ROS1: variants seen among roughly 807,000 people sequenced by gnomAD.
ROS1 encodes the protein ROS proto-oncogene 1, receptor tyrosine kinase, also known as proto-oncogene tyrosine-protein kinase ROS.
Under a neutral mutation model 273.5 loss-of-function variants are expected in ROS1, and 263 were observed. The observed-to-expected ratio is 0.96, with a 90% CI of 0.87 to 1.06. The LOEUF is 1.06. Among genes scored for constraint, ROS1 ranks in the 50% least tolerant of loss-of-function variants. ROS1 has a pLI of 0.00. For synonymous variants in ROS1, 1,008 were observed against 954.1 expected, an observed-to-expected ratio of 1.06 and a Z score of -1.04; for missense variants, 2,833 against 2,751.1, an observed-to-expected ratio of 1.03 and a Z score of -0.67.
At chr6:117,341,338 A>T (rs1353059589) in intron 30 of ROS1, 27 bp from the exon 31 acceptor site, 4 of 1,612,460 alleles carry the variant, frequency 2.5e-6, no homozygotes, top group Non-Finnish European at 3.4e-6. Flanking sequence ...ACAATTGCTT[A>T]ACCTTTTGAG....
chr6:117,355,893 G>A (rs113478275), intron 26 of ROS1, among the ~76,000 whole-genome samples: 1 of 152,150 alleles, frequency 6.6e-6, no homozygotes, highest in Non-Finnish European at 1.5e-5. Context: ...TTACAGGCAT[G>A]AGCCACTGCA....
At chr6:117,361,286 T>C (rs915143481) in intron 22 of ROS1, among the ~76,000 whole-genome samples, 1 of 151,936 alleles carries the variant, frequency 6.6e-6, no homozygotes, top group African/African-American at 2.4e-5. Context: ...AAAATTGACA[T>C]CTATAATGGT....
At chr6:117,331,684 C>A (rs1361535791) in intron 32 of ROS1, among the ~76,000 whole-genome samples, 2 of 152,068 alleles carry the variant, frequency 1.3e-5, no homozygotes, top group Non-Finnish European at 2.9e-5. Context: ...TGGGGGCCAA[C>A]ATCAACATTC....
At chr6:117,310,047 C>T (rs2128547786) in intron 41 of ROS1, 34 bp downstream of exon 41, 1 of 1,551,364 alleles carries the variant, frequency 6.4e-7, no homozygotes, top group African/African-American at 1.4e-5. Context: ...TTTGATGATT[C>T]TGTCAGCATT....
intron 5 of ROS1, among the ~76,000 whole-genome samples, chr6:117,408,206 G>A (rs935082038): frequency 2.0e-5 from 3 of 151,774 alleles, no homozygotes; most frequent in African/African-American, 7.3e-5. Context: ...AGCCAAAATT[G>A]ACAAATGGGA....
At chr6:117,368,588 T>C (rs1318302938) in intron 18 of ROS1, among the ~76,000 whole-genome samples, 2 of 152,244 alleles carry the variant, frequency 1.3e-5, no homozygotes, top group Non-Finnish European at 2.9e-5. Context: ...CCTTGAAATG[T>C]GGTTAGTATG....
intron 43 of ROS1, among the ~76,000 whole-genome samples, chr6:117,293,951 A>G (rs1344945452): frequency 6.6e-6 from 1 of 152,214 alleles, no homozygotes; most frequent in Non-Finnish European, 1.5e-5. Context: ...AAGATAGCAC[A>G]CTATGATCAA....
chr6:117,310,303 A>G (rs760324466), intron 40 of ROS1, 22 bp from the exon 41 acceptor site: 2 of 1,298,688 alleles, frequency 1.5e-6, no homozygotes, highest in East Asian at 4.9e-5. Context: ...GTTATATTTA[A>G]TAATAATAAT....
intron 18 of ROS1, among the ~76,000 whole-genome samples, chr6:117,371,871 C>G (rs971124001): frequency 6.6e-6 from 1 of 152,118 alleles, no homozygotes; most frequent in African/African-American, 2.4e-5. Context: ...CTCCATCAGC[C>G]TGAGAACTAC....
chr6:117,384,850 T>C (rs911046686), intron 16 of ROS1, among the ~76,000 whole-genome samples: 6 of 151,818 alleles, frequency 4.0e-5, no homozygotes, highest in African/African-American at 1.5e-4. Flanking sequence ...GGGGTTGGGG[T>C]TCTTATTCCT....
chr6:117,320,068 C>T (rs747268912), intron 36 of ROS1, 38 bp from the exon 37 acceptor site: 10 of 1,574,142 alleles, frequency 6.4e-6, no homozygotes, highest in South Asian at 3.4e-5. Context: ...CCACCCTCCA[C>T]ATATATAGGG....
chr6:117,339,751 A>G (rs1777776952), intron 31 of ROS1, among the ~76,000 whole-genome samples: 1 of 152,170 alleles, frequency 6.6e-6, no homozygotes, highest in South Asian at 2.1e-4. Context: ...GTTTAGAAAC[A>G]AAAAGCACTG....
At position 117,387,821 on chromosome 6, in the gene ROS1, C is replaced by A; in HGVS notation, c.1958G>T (p.Gly653Val). Residue 653 changes from glycine (G) to valine (V), a missense_variant, in exon 14 of 44, where the codon GGC becomes GTC. Gly to Val is a moderately radical substitution (Grantham distance 109). Coordinates refer to ENST00000368507, the MANE Select transcript of ROS1 (RefSeq NM_001378902.1). ...ACCCACTGAGGGCTCTGACCAGGGG[C>A]CTGGCCTCTTTGGAGAACTTGCTCT... ...SVRASSPKRP[G>V]PWSEPSVGTT... is the part of the protein sequence containing the mutation. 2 of 1,614,130 alleles carry A rather than the reference C, an allele frequency of 1.2e-6. No homozygotes were observed. The highest frequency in any genetic ancestry group is 1.7e-6 in the Non-Finnish European group (2 of 1,180,008).
At chr6:117,404,002 C>A (rs1273986654) in intron 6 of ROS1, among the ~76,000 whole-genome samples, 4 of 152,064 alleles carry the variant, frequency 2.6e-5, no homozygotes, top group Admixed American at 2.6e-4. Context: ...TTTGGGAGGC[C>A]GAGGCGGGCG....
In ROS1 at chr6:117,389,781, C is replaced by A. The variant is rs1287758562; in HGVS notation, c.1355G>T (p.Cys452Phe). 2 of 1,614,010 alleles carry A rather than the reference C, an allele frequency of 1.2e-6. No individual in the cohort carries two copies. The highest frequency in any genetic ancestry group is 1.7e-6 in the Non-Finnish European group (2 of 1,180,022). Residue 452 changes from cysteine to phenylalanine, a missense_variant, in exon 13 of 44, where the codon TGT becomes TTT. Cys to Phe is a radical substitution (Grantham distance 205, BLOSUM62 -2). Transcript: ENST00000368507. ...CTCCACAATACGCACAGCTTCTGCA[C>A]ACCGGCCAGATGGTACAGGAAGGTC... is the stretch of plus-strand genomic sequence containing the variant. ...RADLPVPSGR[C>F]AEAVRIVESC...
intron 8 of ROS1, 106 bp downstream of exon 8, chr6:117,396,809 C>A (rs190638643): frequency 2.4e-6 from 2 of 819,164 alleles, no homozygotes; most frequent in South Asian, 1.7e-5. Flanking sequence ...GAGTCAGTGG[C>A]GCTTCTCAAA....
chr6:117,386,772 T>C, intron 15 of ROS1, 117 bp downstream of exon 15: 1 of 521,854 alleles, frequency 1.9e-6, no homozygotes, highest in Non-Finnish European at 3.5e-6. Context: ...TCAATATTTT[T>C]TCCTTTCACT....
chr6:117,409,520 C>T (rs1774722622), intron 5 of ROS1, 62 bp downstream of exon 5: 3 of 1,163,532 alleles, frequency 2.6e-6, no homozygotes, highest in Admixed American at 3.4e-5. Flanking sequence ...GTTATCTTTA[C>T]ATAAGTACAA....
intron 18 of ROS1, among the ~76,000 whole-genome samples, chr6:117,378,312 A>G (rs947517473): frequency 2.0e-5 from 3 of 152,334 alleles, no homozygotes; most frequent in East Asian, 3.9e-4. Flanking sequence ...ATCTTCACAC[A>G]ATGGAATACC....
Sources: allele counts gnomAD v4.1 joint callset (sites outside exome capture counted in the v4.1 genomes callset), GRCh38; gene constraint gnomAD v4.1.1; transcripts MANE v1.5; gene names NCBI Gene and HGNC (gene_info 2026-07-23, HGNC 2026-07-21).